WNK3: variants seen among roughly 807,000 people sequenced by gnomAD.
WNK3 encodes serine/threonine-protein kinase WNK3.
Under a neutral mutation model 116.7 loss-of-function variants are expected in WNK3, and 18 were observed. The ratio of observed to expected loss-of-function variants is 0.15; its 90% confidence interval spans 0.11 to 0.23. WNK3 has a LOEUF of 0.23. Ranked by LOEUF, WNK3 falls within the 10% of genes least tolerant of loss-of-function variation. WNK3 has a pLI of 1.00. For synonymous variants in WNK3, 404 were observed against 469.4 expected (o/e 0.86, Z 1.80); for missense variants, 993 against 1,323.8 (o/e 0.75, Z 3.88).
At chrX:54,316,257 G>C (rs370732050) in intron 2 of WNK3, among the ~76,000 whole-genome samples, 26 of 110,799 alleles carry the variant, frequency 2.3e-4, no homozygotes, top group African/African-American at 8.5e-4. Flanking sequence ...AGATAACAGA[G>C]GCCGGGTGCA....
chrX:54,277,870 A>G (rs1250260588), intron 10 of WNK3, among the ~76,000 whole-genome samples: 4 of 110,744 alleles, frequency 3.6e-5, no homozygotes, highest in African/African-American at 1.3e-4. Context: ...AGGTGGGTGG[A>G]CCGCTTGAGC....
intron 17 of WNK3, among the ~76,000 whole-genome samples, chrX:54,241,669 A>G (rs1163032528): frequency 1.8e-5 from 2 of 111,814 alleles, no homozygotes; most frequent in Admixed American, 1.9e-4. Flanking sequence ...GTTTATAGAT[A>G]AGAGCTGCGC....
At chrX:54,331,498 G>A (rs1557174265) in intron 2 of WNK3, among the ~76,000 whole-genome samples, 1 of 110,001 alleles carries the variant, frequency 9.1e-6, no homozygotes, top group Admixed American at 9.9e-5. Context: ...TTGCTTGCCT[G>A]CATTATCTAA....
chrX:54,269,758 A>G (rs1254862143), intron 10 of WNK3, among the ~76,000 whole-genome samples: 3 of 111,317 alleles, frequency 2.7e-5, no homozygotes, highest in Non-Finnish European at 5.7e-5. Context: ...TGATACATGC[A>G]ACAATGTAGA....
At chrX:54,244,956 T>C (rs1232585378) in intron 17 of WNK3, among the ~76,000 whole-genome samples, 2 of 111,299 alleles carry the variant, frequency 1.8e-5, no homozygotes, top group Non-Finnish European at 3.8e-5. Flanking sequence ...AAATTCTAAA[T>C]TGATTGAGAT....
At chrX:54,311,743 T>C (rs1490377902) in intron 2 of WNK3, among the ~76,000 whole-genome samples, 2 of 111,812 alleles carry the variant, frequency 1.8e-5, no homozygotes, top group Admixed American at 9.6e-5. Context: ...TAGGTTTCCA[T>C]ACAGAAATAT....
chrX:54,334,471 T>C (rs2069208970), intron 1 of WNK3, among the ~76,000 whole-genome samples: 1 of 112,076 alleles, frequency 8.9e-6, no homozygotes, highest in Admixed American at 9.6e-5. Context: ...ACCACATTTG[T>C]CCTTTTGTGT....
At chrX:54,239,159 C>T (rs2067996214) in intron 17 of WNK3, 60 bp from the exon 18 acceptor site, 2 of 696,789 alleles carry the variant, frequency 2.9e-6, no homozygotes, top group Non-Finnish European at 3.8e-6. Context: ...ACAAAACAAC[C>T]GAGAAAAACC....
At chrX:54,276,122 C>G (rs1301177260) in intron 10 of WNK3, among the ~76,000 whole-genome samples, 1 of 110,818 alleles carries the variant, frequency 9.0e-6, no homozygotes, top group Non-Finnish European at 1.9e-5. Context: ...GGTGGATCAC[C>G]TGAGGTCAGG....
At chrX:54,270,552 T>G (rs912583865) in intron 10 of WNK3, among the ~76,000 whole-genome samples, 26 of 108,679 alleles carry the variant, frequency 2.4e-4, no homozygotes, top group Admixed American at 8.0e-4. Flanking sequence ...TACAGGCACC[T>G]GCCACCACAC....
At chrX:54,202,288 C>G in intron 22 of WNK3, 95 bp from the exon 23 acceptor site, 1 of 807,080 alleles carries the variant, frequency 1.2e-6, no homozygotes, top group Admixed American at 3.1e-5. Context: ...GTTAACAGAG[C>G]CACACATGGG....
chrX:54,222,097 C>T (rs909951091), intron 22 of WNK3, among the ~76,000 whole-genome samples: 10 of 111,624 alleles, frequency 9.0e-5, no homozygotes, highest in Admixed American at 1.9e-4. Flanking sequence ...GCGGAGGTTG[C>T]AGTGAGCCAA....
chrX:54,239,252 A>G (rs2067998290), intron 17 of WNK3, among the ~76,000 whole-genome samples, 153 bp from the exon 18 acceptor site: 1 of 110,757 alleles, frequency 9.0e-6, no homozygotes, highest in African/African-American at 3.3e-5. Context: ...CTTTAACCCA[A>G]AATAGAGTAT....
At chrX:54,311,949 G>C (rs1015403372) in intron 2 of WNK3, among the ~76,000 whole-genome samples, 9 of 110,932 alleles carry the variant, frequency 8.1e-5, no homozygotes, top group African/African-American at 2.9e-4. Flanking sequence ...GACACAGACA[G>C]TACACCACCC....
intron 22 of WNK3, among the ~76,000 whole-genome samples, chrX:54,212,220 C>T (rs782498696): frequency 1.8e-5 from 2 of 111,877 alleles, no homozygotes; most frequent in East Asian, 5.6e-4. Flanking sequence ...AGCGAGACTC[C>T]GTCTCAAGAA....
rs188099606 is a variant in WNK3 at position 54,259,350 on chromosome X, A to G, written c.2038-12T>C. ...GGTTGGGATACAGGCTGTAAACAGT[A>G]CAGACATAAAACTTGCTATGATAAC... On this transcript the variant is annotated splice_polypyrimidine_tract_variant and intron_variant, in intron 10 of 23. Coordinates refer to ENST00000354646, the Ensembl canonical transcript of WNK3. 2 of 1,127,762 alleles carry G rather than the reference A, an allele frequency of 1.8e-6. No homozygotes were observed. Among genetic ancestry groups the G allele is most frequent in the African/African-American group, 3.6e-5 (2 of 55,434 alleles). The allele number at this position is 1,127,762 out of a possible 1,213,427, so 92.9% of individuals were successfully genotyped here.
intron 1 of WNK3, among the ~76,000 whole-genome samples, chrX:54,339,421 A>C (rs2069289161): frequency 9.0e-6 from 1 of 111,703 alleles, no homozygotes; most frequent in Admixed American, 9.7e-5. Flanking sequence ...TCTCTGAAAA[A>C]AAAATCATAT....
intron 22 of WNK3, among the ~76,000 whole-genome samples, chrX:54,212,773 G>C (rs782386659): frequency 9.0e-6 from 1 of 111,628 alleles, no homozygotes; most frequent in East Asian, 2.8e-4. Flanking sequence ...AAGTCGATAA[G>C]GGCAGAATGA....
At chrX:54,310,330 C>T (rs2068872808) in intron 3 of WNK3, among the ~76,000 whole-genome samples, 1 of 109,501 alleles carries the variant, frequency 9.1e-6, no homozygotes, top group Admixed American at 1.0e-4. Context: ...TGCTTTAGCC[C>T]AGGAATTCGA....
Sources: allele counts gnomAD v4.1 joint callset (sites outside exome capture counted in the v4.1 genomes callset), GRCh38; gene constraint gnomAD v4.1.1; transcripts MANE v1.5; gene names NCBI Gene and HGNC (gene_info 2026-07-23, HGNC 2026-07-21).